KCNK9: variants seen among roughly 807,000 people sequenced by gnomAD.
The protein encoded by KCNK9 is potassium two pore domain channel subfamily K member 9.
Under a neutral mutation model 10.8 loss-of-function variants are expected in KCNK9, and 1 was observed. The observed-to-expected ratio is 0.09, with a 90% CI of 0.03 to 0.44. KCNK9 has a LOEUF of 0.44. KCNK9 is among the 20% of genes least tolerant of loss of function. KCNK9 has a pLI of 0.97. For missense variants in KCNK9, 303 were observed against 515.0 expected (o/e 0.59, Z 3.98); for synonymous variants, 231 against 222.7 (o/e 1.04, Z -0.33).
chr8:139,635,024 G>A (rs893626399), intron 1 of KCNK9, among the ~76,000 whole-genome samples: 6 of 152,196 alleles, frequency 3.9e-5, no homozygotes, highest in Admixed American at 1.3e-4. Flanking sequence ...TCGTTCCCCT[G>A]CTGCATGAGG....
chr8:139,654,156 T>C (rs907175202), intron 1 of KCNK9, among the ~76,000 whole-genome samples: 1 of 152,216 alleles, frequency 6.6e-6, no homozygotes, highest in Non-Finnish European at 1.5e-5. Context: ...TAAATAAGAC[T>C]AAGAATCACT....
rs928495831 is a variant in KCNK9 at position 139,702,583 on chromosome 8, G to C, written c.283+127C>G. On this transcript the variant is annotated intron_variant, in intron 1 of 1. Transcript: ENST00000520439. This position sits in a 1 kb window ranked among gnomAD's most constrained non-coding sequence, Gnocchi z 7.5. Reference sequence around the variant, plus strand: ...CTCCCTAGAGAGGAGGGGGCGCTGCGGGAAGGCCCCCAAGGGAGGCTGCGT... The same window carrying C: ...CTCCCTAGAGAGGAGGGGGCGCTGCCGGAAGGCCCCCAAGGGAGGCTGCGT... The C allele has an allele frequency of 3.1e-6, 3 of 965,172 alleles. No individual in the cohort carries two copies. In the African/African-American group the frequency reaches 5.0e-5, roughly 16 times the overall value. The allele number at this position is 965,172 out of a possible 1,614,324, so 59.8% of individuals were successfully genotyped here. A position where few individuals can be genotyped will look rare whatever the true frequency, so the allele number is the denominator to read the frequency against.
chr8:139,623,045 G>A (rs187127438), intron 1 of KCNK9, among the ~76,000 whole-genome samples: 166 of 152,322 alleles, frequency 1.1e-3, no homozygotes, highest in African/African-American at 3.7e-3. Context: ...GACACAGGCT[G>A]TGTATGTGCC....
At chr8:139,682,461 A>C (rs979484188) in intron 1 of KCNK9, among the ~76,000 whole-genome samples, 7 of 152,186 alleles carry the variant, frequency 4.6e-5, no homozygotes, top group African/African-American at 1.7e-4. Context: ...AGGGACACAT[A>C]GGAGAGACAT....
intron 1 of KCNK9, among the ~76,000 whole-genome samples, chr8:139,623,079 T>C (rs1204140203): frequency 2.0e-5 from 3 of 152,206 alleles, no homozygotes; most frequent in African/African-American, 7.2e-5. Flanking sequence ...TGCTGCAGAC[T>C]GCACGTTTTA....
At chr8:139,604,469 G>T (rs1817441901) in intron 2 of KCNK9, among the ~76,000 whole-genome samples, 1 of 152,168 alleles carries the variant, frequency 6.6e-6, no homozygotes, top group Admixed American at 6.5e-5. Flanking sequence ...AGGTGGGGGT[G>T]CCACGCGGGC....
In KCNK9 at chr8:139,618,228, G is replaced by T; in HGVS notation, c.*30C>A. 1 of 1,614,020 alleles carries T rather than the reference G, an allele frequency of 6.2e-7. No homozygotes were observed. Among genetic ancestry groups the T allele is most frequent in the South Asian group, 1.1e-5 (1 of 91,008 alleles). On this transcript the variant is annotated 3_prime_UTR_variant, in exon 2 of 2. Coordinates refer to ENST00000520439, the MANE Select transcript of KCNK9 (RefSeq NM_001282534.2). The surrounding 1 kb of genome is among the most constrained non-coding windows in gnomAD (Gnocchi z 7.9). Reference sequence around the variant, plus strand: ...GAAATTAACACCAACTATGACAAATGACTTTTCTGTCCCATTTCCCTCCCC... The same window carrying T: ...GAAATTAACACCAACTATGACAAATTACTTTTCTGTCCCATTTCCCTCCCC...
Position 139,619,109 on chromosome 8 carries a change from G to C in KCNK9, c.284-10C>G, listed in dbSNP as rs79307098. On this transcript the variant is annotated splice_polypyrimidine_tract_variant and intron_variant, in intron 1 of 1. Coordinates refer to ENST00000520439, the MANE Select transcript of KCNK9 (RefSeq NM_001282534.2). ...GCAGCGTGCCCATAACCTGTGGGAA[G>C]GGGATGAGAAGAACAGAGAGAGCAA... The C allele has an allele frequency of 7.0e-4, 1,135 of 1,613,808 alleles. 9 individuals carry two copies. In the African/African-American group the frequency reaches 0.014, roughly 20 times the overall value.
Position 139,620,231 on chromosome 8 carries a change from GT to G in KCNK9, c.284-1133del, listed in dbSNP as rs11388803. Among the ~76,000 whole-genome samples, 11 of 152,126 alleles carry G rather than the reference GT, an allele frequency of 7.2e-5. 1 individual carries two copies. The East Asian group carries it at 2.1e-3, about 29-fold the overall frequency. On this transcript the variant is annotated intron_variant, in intron 1 of 1. Coordinates refer to ENST00000520439, the MANE Select transcript of KCNK9 (RefSeq NM_001282534.2). ...AATAAAAACCTGGATCATGGACAGT[GT>G]TTTTTTGGACAGAAATTTTGAAGGA... is the stretch of plus-strand genomic sequence containing the variant.
intron 1 of KCNK9, among the ~76,000 whole-genome samples, chr8:139,637,525 C>T (rs1385218646): frequency 1.3e-5 from 2 of 152,136 alleles, no homozygotes; most frequent in African/African-American, 2.4e-5. Context: ...TAAGTGCAAT[C>T]AGCCAGAGAC....
chr8:139,703,045 C>T lies in KCNK9; in HGVS notation c.-53G>A. The T allele has an allele frequency of 3.3e-6, 5 of 1,524,174 alleles. No individual in the cohort carries two copies. In the South Asian group the frequency reaches 4.8e-5, roughly 15 times the overall value. 94.4% of individuals were successfully genotyped at this position (1,524,174 alleles called of 1,614,324 possible). A position where few individuals can be genotyped will look rare whatever the true frequency, so the allele number is the denominator to read the frequency against. Reference sequence around the variant, plus strand: ...GGCATGTCCCGCAGGCTCACAGCCGCGCGCGTCCCACTGCAGCGCCCGGCG... The same window carrying T: ...GGCATGTCCCGCAGGCTCACAGCCGTGCGCGTCCCACTGCAGCGCCCGGCG... On this transcript the variant is annotated 5_prime_UTR_variant, in exon 1 of 2. Coordinates refer to ENST00000520439, the MANE Select transcript of KCNK9 (RefSeq NM_001282534.2). This position sits in a 1 kb window ranked among gnomAD's most constrained non-coding sequence, Gnocchi z 6.4.
intron 1 of KCNK9, among the ~76,000 whole-genome samples, chr8:139,676,709 G>A (rs2129750270): frequency 6.6e-6 from 1 of 152,312 alleles, no homozygotes. Flanking sequence ...CCAGCACTTT[G>A]GAAGGTCAAG....
intron 1 of KCNK9, among the ~76,000 whole-genome samples, chr8:139,669,391 C>A (rs1816376787): frequency 6.6e-6 from 1 of 152,214 alleles, no homozygotes; most frequent in African/African-American, 2.4e-5. Flanking sequence ...TCAGTCCTCT[C>A]AAACCCTGCT....
chr8:139,691,160 C>A (rs1213475742), intron 1 of KCNK9, among the ~76,000 whole-genome samples: 6 of 152,174 alleles, frequency 3.9e-5, no homozygotes, highest in Non-Finnish European at 8.8e-5. Context: ...GGCAAACTGT[C>A]CCCATCCCTG....
At chr8:139,689,661 G>C (rs902243106) in intron 1 of KCNK9, among the ~76,000 whole-genome samples, 1 of 55,754 alleles carries the variant, frequency 1.8e-5, no homozygotes, top group Non-Finnish European at 4.2e-5. Context: ...TTTTTTTTTT[G>C]AGACGGAGTC....
At chr8:139,698,243 C>T (rs939455465) in intron 1 of KCNK9, among the ~76,000 whole-genome samples, 1 of 152,104 alleles carries the variant, frequency 6.6e-6, no homozygotes, top group Admixed American at 6.5e-5. Context: ...TGAGTGCATG[C>T]GTGTGGAGGC....
chr8:139,656,310 C>G lies in KCNK9; in HGVS notation c.284-37211G>C, dbSNP rs538725584. Among the ~76,000 whole-genome samples, 127 of 152,328 alleles carry G rather than the reference C, an allele frequency of 8.3e-4. 1 individual carries two copies. The highest frequency in any genetic ancestry group is 2.9e-3 in the African/African-American group (120 of 41,574). ...AGAGCCCATCCAGCTGGGGCTCAGC[C>G]TGGGCCACTAACTCTTTGGCCCCTC... is the stretch of plus-strand genomic sequence containing the variant. On this transcript the variant is annotated intron_variant, in intron 1 of 1. Coordinates refer to ENST00000520439, the MANE Select transcript of KCNK9 (RefSeq NM_001282534.2).
At chr8:139,648,423 A>G (rs60184282) in intron 1 of KCNK9, among the ~76,000 whole-genome samples, 3,784 of 152,356 alleles carry the variant, frequency 0.025, 174 homozygotes, top group African/African-American at 0.086. Flanking sequence ...TGTAAAGCGT[A>G]TTCTACCTCA....
At chr8:139,681,770 T>C (rs1056167377) in intron 1 of KCNK9, among the ~76,000 whole-genome samples, 28 of 152,182 alleles carry the variant, frequency 1.8e-4, no homozygotes, top group African/African-American at 4.6e-4. Flanking sequence ...AGGCAACCTA[T>C]AGTGGACACC....
Sources: allele counts gnomAD v4.1 joint callset (sites outside exome capture counted in the v4.1 genomes callset), GRCh38; gene constraint gnomAD v4.1.1; non-coding constraint Gnocchi (gnomAD v3.1); transcripts MANE v1.5; gene names NCBI Gene and HGNC (gene_info 2026-07-23, HGNC 2026-07-21).